Variants in OVOL1 observed in about 807,000 individuals in gnomAD.
OVOL1 encodes the protein putative transcription factor Ovo-like 1.
A neutral mutation model predicts 21.5 loss-of-function variants in OVOL1; 10 were observed. The observed-to-expected ratio is 0.46, with a 90% CI of 0.29 to 0.79. The LOEUF (loss-of-function observed/expected upper bound fraction) is 0.79. Among genes scored for constraint, OVOL1 ranks in the 30% least tolerant of loss-of-function variants. The probability of loss-of-function intolerance (pLI) is 0.10; values close to 1 mark genes in which losing one functional copy is unlikely to be tolerated. For synonymous variants in OVOL1, 129 were observed against 150.3 expected, an observed-to-expected ratio of 0.86 and a Z score of 1.03; for missense variants, 279 against 362.3, an observed-to-expected ratio of 0.77 and a Z score of 1.87.
At chr11:65,794,989 C>T (rs1450338896) in intron 3 of OVOL1, 57 bp from the exon 4 acceptor site, 6 of 1,555,846 alleles carry the variant, frequency 3.9e-6, no homozygotes, top group Non-Finnish European at 4.4e-6. Flanking sequence ...TGGAAGCAGC[C>T]GACAGCCTCT....
chr11:65,787,242 A>C lies in OVOL1; in HGVS notation c.-132A>C. On this transcript the variant is annotated 5_prime_UTR_variant, in exon 1 of 4. Coordinates refer to ENST00000335987, the MANE Select transcript of OVOL1 (RefSeq NM_004561.4). ...CGTCCGGGCTCGGACCTTCCCCGGA[A>C]CGTGGGGGCGCCTTAGCGACTCCTT... 4.5e-6 allele frequency: 3 copies of C among 660,656 alleles called. No individual in the cohort carries two copies. Among genetic ancestry groups the C allele is most frequent in the Non-Finnish European group, 7.9e-6 (3 of 381,316 alleles). The allele number at this position is 660,656 out of a possible 1,614,324, so 40.9% of individuals were successfully genotyped here.
chr11:65,794,098 C>T lies in OVOL1; in HGVS notation c.168C>T (p.Ser56=). 6.2e-7 allele frequency: 1 copy of T among 1,614,060 alleles called. No individual in the cohort carries two copies. The highest frequency in any genetic ancestry group is 1.1e-5 in the South Asian group (1 of 91,088). The part of the protein sequence containing the change: ...EPEPSVAEPP[S]CPLALNMSLR... ...AACCCTCTGTGGCCGAACCCCCTTC[C>T]TGCCCGCTGGCTTTGAACATGAGCC... is the stretch of plus-strand genomic sequence containing the variant. The change falls in exon 2 of 4, where the codon TCC becomes TCT. Residue 56 remains serine, a synonymous_variant. Transcript: ENST00000335987.
intron 2 of OVOL1, 127 bp from the exon 3 acceptor site, chr11:65,794,411 G>A (rs1858086364): frequency 2.7e-6 from 3 of 1,103,808 alleles, no homozygotes; most frequent in Admixed American, 4.0e-5. Flanking sequence ...GCACAGAGCT[G>A]TGGTCTCTGG....
chr11:65,787,489 C>A lies in OVOL1; in HGVS notation c.100+16C>A. On this transcript the variant is annotated intron_variant, in intron 1 of 3. Coordinates refer to ENST00000335987, the MANE Select transcript of OVOL1 (RefSeq NM_004561.4). The stretch of plus-strand genomic sequence containing the variant: ...TACGTGCCAGGTGAGGCTCCAACCG[C>A]CCTCCGGCCTGGGGCACCCGCGGCG... 6.7e-7 allele frequency: 1 copy of A among 1,492,108 alleles called. No homozygotes were observed. Among genetic ancestry groups the A allele is most frequent in the Non-Finnish European group, 9.0e-7 (1 of 1,110,568 alleles). The allele number at this position is 1,492,108 out of a possible 1,614,324, so 92.4% of individuals were successfully genotyped here.
chr11:65,793,619 G>A (rs913421151), intron 1 of OVOL1: 14 of 238,086 alleles, frequency 5.9e-5, no homozygotes, highest in Non-Finnish European at 9.9e-5. Context: ...AGACCACCAG[G>A]GACCCTTCTG....
At chr11:65,788,022 G>T (rs1267657061) in intron 1 of OVOL1, among the ~76,000 whole-genome samples, 7 of 152,128 alleles carry the variant, frequency 4.6e-5, no homozygotes, top group Non-Finnish European at 1.0e-4. Context: ...GGGGGCGTGG[G>T]CCCCCAAATT....
rs1026587346 is a variant in OVOL1 at position 65,794,785 on chromosome 11, C to T, written c.508+58C>T. The T allele has an allele frequency of 5.5e-5, 85 of 1,550,470 alleles. 1 individual carries two copies. The highest frequency in any genetic ancestry group is 6.4e-5 in the Non-Finnish European group (72 of 1,126,754). On this transcript the variant is annotated intron_variant, in intron 3 of 3. Coordinates refer to ENST00000335987, the MANE Select transcript of OVOL1 (RefSeq NM_004561.4). ...CCGGATCCGCCTGGCCGCGGCCGTG[C>T]GGGAAAAGTCCAGCACCCCCTGCTC...
chr11:65,794,506 A>G (rs1858088030), intron 2 of OVOL1, 32 bp from the exon 3 acceptor site: 7 of 1,597,510 alleles, frequency 4.4e-6, no homozygotes, highest in African/African-American at 1.3e-5. Flanking sequence ...CAACTTCTGG[A>G]TGTCTGTCAG....
chr11:65,790,365 G>C (rs1857990160), intron 1 of OVOL1: 2 of 152,252 alleles, frequency 1.3e-5, no homozygotes, highest in Non-Finnish European at 2.9e-5. Context: ...CTGTCACTGG[G>C]CTGGCCACAG....
chr11:65,787,510 C>G, intron 1 of OVOL1, 37 bp downstream of exon 1: 2 of 1,274,200 alleles, frequency 1.6e-6, no homozygotes, highest in Non-Finnish European at 2.1e-6. Context: ...GGGGCACCCG[C>G]GGCGGCGTCG....
chr11:65,787,291 C>A lies in OVOL1; in HGVS notation c.-83C>A, dbSNP rs539172921. 4.3e-6 allele frequency: 5 copies of A among 1,168,736 alleles called. No homozygotes were observed. The South Asian group carries it at 5.3e-5, about 12-fold the overall frequency. The allele number at this position is 1,168,736 out of a possible 1,614,324, so 72.4% of individuals were successfully genotyped here. On this transcript the variant is annotated 5_prime_UTR_variant, in exon 1 of 4. Coordinates refer to ENST00000335987, the MANE Select transcript of OVOL1 (RefSeq NM_004561.4). ...TTCCCTGTTGTGCCCCCGTTCCCGG[C>A]GTTCAGCCCGGCCCCGCAAAGGTGG...
rs1858113610 is a variant in OVOL1 at position 65,795,420 on chromosome 11, C to G, written c.*79C>G. 7.7e-7 allele frequency: 1 copy of G among 1,297,438 alleles called. No homozygotes were observed. Among genetic ancestry groups the G allele is most frequent in the African/African-American group, 1.5e-5 (1 of 68,570 alleles). 80.4% of individuals were successfully genotyped at this position (1,297,438 alleles called of 1,614,324 possible). ...CTCCCAGCTGCCTGGCCAGCCCACC[C>G]TCCTGCAACCTCTCACCCGAACACC... is the stretch of plus-strand genomic sequence containing the variant. On this transcript the variant is annotated 3_prime_UTR_variant, in exon 4 of 4. Coordinates refer to ENST00000335987, the MANE Select transcript of OVOL1 (RefSeq NM_004561.4). The surrounding 1 kb of genome is among the most constrained non-coding windows in gnomAD (Gnocchi z 5.7).
intron 1 of OVOL1, chr11:65,790,761 C>T (rs896964012): frequency 1.3e-5 from 2 of 152,322 alleles, no homozygotes; most frequent in Non-Finnish European, 1.5e-5. Flanking sequence ...GAGACTCCTA[C>T]CTGTCCCCTG....
chr11:65,794,514 C>A, intron 2 of OVOL1, 24 bp from the exon 3 acceptor site: 1 of 1,602,358 alleles, frequency 6.2e-7, no homozygotes, highest in South Asian at 1.1e-5. Flanking sequence ...GGATGTCTGT[C>A]AGCAATGCCG....
In OVOL1 at chr11:65,794,026, C is replaced by G; in HGVS notation, c.101-5C>G. Reference sequence around the variant, plus strand: ...AAGCCTCTCACCTGTCTGTTCTCTCCCCAGTCAGCCTGGGCTTCTGCCCAC... The same window carrying G: ...AAGCCTCTCACCTGTCTGTTCTCTCGCCAGTCAGCCTGGGCTTCTGCCCAC... On this transcript the variant is annotated splice_polypyrimidine_tract_variant and splice_region_variant and intron_variant, in intron 1 of 3. Transcript: ENST00000335987. 1 of 1,612,454 alleles carries G rather than the reference C, an allele frequency of 6.2e-7. No individual in the cohort carries two copies. Among genetic ancestry groups the G allele is most frequent in the South Asian group, 1.1e-5 (1 of 91,044 alleles).
Position 65,795,163 on chromosome 11 carries a change from G to A in OVOL1, c.626G>A (p.Arg209Gln), listed in dbSNP as rs1858105023. 9 of 1,613,254 alleles carry A rather than the reference G, an allele frequency of 5.6e-6. No homozygotes were observed. The highest frequency in any genetic ancestry group is 7.6e-6 in the Non-Finnish European group (9 of 1,179,998). Residue 209 changes from arginine to glutamine, a missense_variant, in exon 4 of 4, where the codon CGG becomes CAG. Transcript: ENST00000335987. This position sits in a 1 kb window ranked among gnomAD's most constrained non-coding sequence, Gnocchi z 5.7. ...VQQKYAYKER[R>Q]AKLYVCEECG... ...CAGAAGTACGCGTACAAGGAGCGGC[G>A]GGCCAAGCTGTACGTGTGTGAGGAG...
chr11:65,792,760 G>C (rs906277135), intron 1 of OVOL1, among the ~76,000 whole-genome samples: 1 of 152,240 alleles, frequency 6.6e-6, no homozygotes, highest in African/African-American at 2.4e-5. Context: ...TGTGTTTTGA[G>C]GGGGCGAGAG....
chr11:65,793,414 C>G (rs1453865691), intron 1 of OVOL1, among the ~76,000 whole-genome samples: 1 of 152,220 alleles, frequency 6.6e-6, no homozygotes, highest in Non-Finnish European at 1.5e-5. Flanking sequence ...ACCTGCGGCT[C>G]CCTGACCTCC....
chr11:65,789,774 C>G (rs978605551), intron 1 of OVOL1: 2 of 897,020 alleles, frequency 2.2e-6, no homozygotes, highest in South Asian at 5.1e-5. Context: ...TCTGACCTTC[C>G]TGCCAGGTTC....
Sources: gnomAD v4.1 joint callset for allele counts (sites outside exome capture counted in the v4.1 genomes callset) on GRCh38, gnomAD v4.1.1 for gene constraint, Gnocchi (gnomAD v3.1) non-coding constraint, MANE v1.5 for transcripts, NCBI Gene and HGNC (gene_info 2026-07-23, HGNC 2026-07-21) for gene names.